KIRREL3: variants seen among roughly 807,000 people sequenced by gnomAD.
The protein encoded by KIRREL3 is kin of IRRE-like protein 3.
KIRREL3 carries 36 observed loss-of-function variants against 89.7 expected under a neutral mutation model. That is an observed-to-expected ratio of 0.40 (90% confidence interval 0.31 to 0.53). The LOEUF is 0.53. Among genes scored for constraint, KIRREL3 ranks in the 20% least tolerant of loss-of-function variants. The pLI, the probability that KIRREL3 is intolerant of heterozygous loss-of-function variation, is 0.49. For missense variants in KIRREL3, 864 were observed against 1,056.6 expected (o/e 0.82, Z 2.53); for synonymous variants, 445 against 441.4 (o/e 1.01, Z -0.10).
chr11:126,612,545 A>G lies in KIRREL3; in HGVS notation c.56-49633T>C, dbSNP rs1943176620. Among the ~76,000 whole-genome samples, 1 of 152,194 alleles carries G rather than the reference A, an allele frequency of 6.6e-6. No individual in the cohort carries two copies. Among genetic ancestry groups the G allele is most frequent in the Non-Finnish European group, 1.5e-5 (1 of 68,032 alleles). ...CATATAACATAACATTTTCCCCTTT[A>G]AAATAGACAGTTCAGTAGTTTTAAG... On this transcript the variant is annotated intron_variant, in intron 1 of 16. Coordinates refer to ENST00000525144, the MANE Select transcript of KIRREL3 (RefSeq NM_032531.4). This position sits in a 1 kb window ranked among gnomAD's most constrained non-coding sequence, Gnocchi z 4.5.
rs1951388003 is a variant in KIRREL3 at position 126,811,534 on chromosome 11, G to A, written c.55+188921C>T. 6.6e-6 allele frequency among the ~76,000 whole-genome samples: 1 copy of A among 152,216 alleles called. No homozygotes were observed. Among genetic ancestry groups the A allele is most frequent in the Non-Finnish European group, 1.5e-5 (1 of 68,040 alleles). ...TGTGCATTGGACGGGGACGGTGCCAGCTACAGCTGACCCTTCCCTCACAGC... is the reference window on the plus strand; with the variant it reads ...TGTGCATTGGACGGGGACGGTGCCAACTACAGCTGACCCTTCCCTCACAGC... On this transcript the variant is annotated intron_variant, in intron 1 of 16. Transcript: ENST00000525144. The surrounding 1 kb of genome is among the most constrained non-coding windows in gnomAD (Gnocchi z 4.3).
intron 4 of KIRREL3, among the ~76,000 whole-genome samples, chr11:126,502,555 T>C (rs1318678790): frequency 6.6e-6 from 1 of 152,250 alleles, no homozygotes; most frequent in African/African-American, 2.4e-5. Context: ...AGAATCACTC[T>C]TCCTTTTTCT....
In KIRREL3 at chr11:126,734,791, G is replaced by A. The variant is rs1409026016; in HGVS notation, c.56-171879C>T. 1.3e-5 allele frequency among the ~76,000 whole-genome samples: 2 copies of A among 152,200 alleles called. No homozygotes were observed. Among genetic ancestry groups the A allele is most frequent in the Non-Finnish European group, 2.9e-5 (2 of 68,040 alleles). On this transcript the variant is annotated intron_variant, in intron 1 of 16. Transcript: ENST00000525144. This position sits in a 1 kb window ranked among gnomAD's most constrained non-coding sequence, Gnocchi z 5.9. ...AGGAATCACAGTGGTGGAGACTGAT[G>A]AGCAGGTCAGAGAAGTTTTCGTTGG...
At position 126,527,187 on chromosome 11, in the gene KIRREL3, T is replaced by C. The variant is rs941913857; in HGVS notation, c.134-500A>G. 2.0e-5 allele frequency among the ~76,000 whole-genome samples: 3 copies of C among 152,060 alleles called. No individual in the cohort carries two copies. The highest frequency in any genetic ancestry group is 7.2e-5 in the African/African-American group (3 of 41,414). ...TCAGGAAATCATTTTGTTGTTTCAG[T>C]GGCTCCTGGGGTGGGCTGAGGGCCA... is the stretch of plus-strand genomic sequence containing the variant. On this transcript the variant is annotated intron_variant, in intron 2 of 16. Coordinates refer to ENST00000525144, the MANE Select transcript of KIRREL3 (RefSeq NM_032531.4). This position sits in a 1 kb window ranked among gnomAD's most constrained non-coding sequence, Gnocchi z 4.2.
chr11:126,555,409 G>T lies in KIRREL3; in HGVS notation c.133+7426C>A, dbSNP rs1939625711. 6.6e-6 allele frequency among the ~76,000 whole-genome samples: 1 copy of T among 152,224 alleles called. No individual in the cohort carries two copies. Among genetic ancestry groups the T allele is most frequent in the Non-Finnish European group, 1.5e-5 (1 of 68,038 alleles). ...ACTGAACTCAGAGCTCTGAAAGGAA[G>T]GATCTGGTTCTACGGGAGCATGTGA... On this transcript the variant is annotated intron_variant, in intron 2 of 16. Transcript: ENST00000525144. The surrounding 1 kb of genome is among the most constrained non-coding windows in gnomAD (Gnocchi z 4.2).
rs1955178913 is a variant in KIRREL3 at position 126,432,628 on chromosome 11, A to G, written c.1589-1102T>C. ...CTCCACCCACAGAGTGACATGTGAG[A>G]TCCCCCACATCTCATGTGCTCGGTA... On this transcript the variant is annotated intron_variant, in intron 13 of 16. Transcript: ENST00000525144. The surrounding 1 kb of genome is among the most constrained non-coding windows in gnomAD (Gnocchi z 6.2). Among the ~76,000 whole-genome samples, 1 of 151,786 alleles carries G rather than the reference A, an allele frequency of 6.6e-6. No homozygotes were observed. The highest frequency in any genetic ancestry group is 6.6e-5 in the Admixed American group (1 of 15,252).
At chr11:126,577,759 C>G (rs579061) in intron 1 of KIRREL3, among the ~76,000 whole-genome samples, 1 of 150,442 alleles carries the variant, frequency 6.6e-6, no homozygotes, top group African/African-American at 2.5e-5. Context: ...AAGACTCTGT[C>G]TCAATTAAAA....
chr11:126,996,304 A>G lies in KIRREL3; in HGVS notation c.55+4151T>C, dbSNP rs1326301560. ...GGGAGAAACACACATTACTTCCCTC[A>G]TCTTTTGTTTTATGACATTTCTGAG... On this transcript the variant is annotated intron_variant, in intron 1 of 16. Coordinates refer to ENST00000525144, the MANE Select transcript of KIRREL3 (RefSeq NM_032531.4). This position sits in a 1 kb window ranked among gnomAD's most constrained non-coding sequence, Gnocchi z 4.7. Among the ~76,000 whole-genome samples the G allele has an allele frequency of 6.6e-6, 1 of 152,202 alleles. No homozygotes were observed. Among genetic ancestry groups the G allele is most frequent in the African/African-American group, 2.4e-5 (1 of 41,456 alleles).
At chr11:126,733,382 C>T (rs141934402) in intron 1 of KIRREL3, among the ~76,000 whole-genome samples, 112 of 152,274 alleles carry the variant, frequency 7.4e-4, no homozygotes, top group African/African-American at 2.6e-3. Flanking sequence ...CCTGAGACAC[C>T]TTAATTCTCT....
intron 1 of KIRREL3, among the ~76,000 whole-genome samples, chr11:126,980,394 C>T (rs553361799): frequency 1.3e-5 from 2 of 152,184 alleles, no homozygotes; most frequent in South Asian, 4.2e-4. Flanking sequence ...ATGGAGGTGT[C>T]AGATACCAAG....
Position 126,768,887 on chromosome 11 carries a change from G to A in KIRREL3, c.56-205975C>T, listed in dbSNP as rs1035353791. Among the ~76,000 whole-genome samples the A allele has an allele frequency of 2.6e-5, 4 of 152,234 alleles. No homozygotes were observed. The highest frequency in any genetic ancestry group is 1.3e-4 in the Admixed American group (2 of 15,282). ...AGCACGAGAGCCATGGCAAGAAGGC[G>A]ATGTTGCTTCCCACATGCGTGGGAG... On this transcript the variant is annotated intron_variant, in intron 1 of 16. Coordinates refer to ENST00000525144, the MANE Select transcript of KIRREL3 (RefSeq NM_032531.4). This position sits in a 1 kb window ranked among gnomAD's most constrained non-coding sequence, Gnocchi z 4.5.
intron 1 of KIRREL3, among the ~76,000 whole-genome samples, chr11:126,816,350 T>C (rs970156813): frequency 6.6e-5 from 10 of 152,246 alleles, no homozygotes; most frequent in African/African-American, 2.4e-4. Flanking sequence ...GGAAGACTTC[T>C]TTCCGAGTTT....
chr11:126,843,508 C>G lies in KIRREL3; in HGVS notation c.55+156947G>C, dbSNP rs577837226. 7.2e-5 allele frequency among the ~76,000 whole-genome samples: 11 copies of G among 152,260 alleles called. No homozygotes were observed. The highest frequency in any genetic ancestry group is 2.6e-4 in the African/African-American group (11 of 41,540). ...GCCCAGTCTCGTCCCACAGAGACTT[C>G]CAGCCTAGTCAGCTATGCAATCAAA... On this transcript the variant is annotated intron_variant, in intron 1 of 16. Transcript: ENST00000525144. The surrounding 1 kb of genome is among the most constrained non-coding windows in gnomAD (Gnocchi z 4.6).
chr11:126,798,929 C>T (rs1032442529), intron 1 of KIRREL3, among the ~76,000 whole-genome samples: 1 of 152,180 alleles, frequency 6.6e-6, no homozygotes, highest in Admixed American at 6.5e-5. Flanking sequence ...ACAGTGGGCC[C>T]GCCACAGAGG....
chr11:126,598,232 A>G (rs903355095), intron 1 of KIRREL3, among the ~76,000 whole-genome samples: 1 of 152,236 alleles, frequency 6.6e-6, no homozygotes, highest in East Asian at 1.9e-4. Context: ...GCAATAGGCC[A>G]TGTAGGAAGT....
chr11:126,735,145 C>G (rs1329791341), intron 1 of KIRREL3, among the ~76,000 whole-genome samples: 1 of 152,150 alleles, frequency 6.6e-6, no homozygotes. Flanking sequence ...CTACTAATTG[C>G]TAGTTGGGGC....
chr11:126,714,636 G>C (rs1005008628), intron 1 of KIRREL3, among the ~76,000 whole-genome samples: 5 of 152,156 alleles, frequency 3.3e-5, no homozygotes, highest in African/African-American at 4.8e-5. Context: ...TGGGGAGAAT[G>C]CCACGTCCCA....
chr11:126,922,833 C>T (rs1416130526), intron 1 of KIRREL3, among the ~76,000 whole-genome samples: 5 of 152,166 alleles, frequency 3.3e-5, no homozygotes, highest in African/African-American at 1.2e-4. Flanking sequence ...TTGCATTTCC[C>T]GGACTCATTT....
chr11:126,429,369 C>A lies in KIRREL3; in HGVS notation c.1697-81G>T. On this transcript the variant is annotated intron_variant, in intron 14 of 16. Coordinates refer to ENST00000525144, the MANE Select transcript of KIRREL3 (RefSeq NM_032531.4). This position sits in a 1 kb window ranked among gnomAD's most constrained non-coding sequence, Gnocchi z 5.2. ...TCAAGCTCCCTTGCAGTCCCCTGCCCCTGCCCTGCCACCCTCTGCATTTCC... is the reference window on the plus strand; with the variant it reads ...TCAAGCTCCCTTGCAGTCCCCTGCCACTGCCCTGCCACCCTCTGCATTTCC... 1.1e-6 allele frequency: 1 copy of A among 932,612 alleles called. No homozygotes were observed. Among genetic ancestry groups the A allele is most frequent in the Non-Finnish European group, 1.7e-6 (1 of 583,224 alleles). The allele number at this position is 932,612 out of a possible 1,614,324, so 57.8% of individuals were successfully genotyped here. A position where few individuals can be genotyped will look rare whatever the true frequency, so the allele number is the denominator to read the frequency against.
Sources: gnomAD v4.1 joint callset for allele counts (sites outside exome capture counted in the v4.1 genomes callset) on GRCh38, gnomAD v4.1.1 for gene constraint, Gnocchi (gnomAD v3.1) non-coding constraint, MANE v1.5 for transcripts, NCBI Gene and HGNC (gene_info 2026-07-23, HGNC 2026-07-21) for gene names.